Variants in AGBL4 observed in about 807,000 individuals in gnomAD.
AGBL4 encodes the protein cytosolic carboxypeptidase 6.
Under a neutral mutation model 66.4 loss-of-function variants are expected in AGBL4, and 58 were observed. The ratio of observed to expected loss-of-function variants is 0.87; its 90% CI spans 0.71 to 1.09. AGBL4 has a LOEUF of 1.09. Ranked by LOEUF, AGBL4 falls within the 50% of genes least tolerant of loss-of-function variation. AGBL4 has a pLI of 0.00. For synonymous variants in AGBL4, 234 were observed against 222.9 expected, an observed-to-expected ratio of 1.05 and a Z score of -0.44; for missense variants, 579 against 631.0, an observed-to-expected ratio of 0.92 and a Z score of 0.88.
At chr1:48,907,515 G>T (rs572445796) in intron 5 of AGBL4, among the ~76,000 whole-genome samples, 1 of 152,198 alleles carries the variant, frequency 6.6e-6, no homozygotes, top group South Asian at 2.1e-4. Flanking sequence ...AAGCCAGGGG[G>T]GAAAGGCCTG....
At chr1:49,254,636 A>T (rs1296312761) in intron 3 of AGBL4, among the ~76,000 whole-genome samples, 1 of 152,172 alleles carries the variant, frequency 6.6e-6, no homozygotes, top group Non-Finnish European at 1.5e-5. Context: ...ACTACCATTG[A>T]GATTCTTCAC....
intron 3 of AGBL4, among the ~76,000 whole-genome samples, chr1:49,397,379 T>C (rs867458408): frequency 3.9e-5 from 6 of 152,172 alleles, no homozygotes; most frequent in African/African-American, 1.2e-4. Flanking sequence ...CATGTATCTT[T>C]AGGTGGTGTG....
intron 7 of AGBL4, among the ~76,000 whole-genome samples, chr1:48,661,425 G>C (rs1646105911): frequency 6.6e-6 from 1 of 152,250 alleles, no homozygotes; most frequent in African/African-American, 2.4e-5. Flanking sequence ...GAGTGTATGA[G>C]GCTGAGGCCA....
intron 6 of AGBL4, among the ~76,000 whole-genome samples, chr1:48,767,560 A>G (rs1201170737): frequency 6.6e-6 from 1 of 152,200 alleles, no homozygotes; most frequent in Non-Finnish European, 1.5e-5. Flanking sequence ...ATGAAGGTGA[A>G]TGGTGGTGTG....
intron 9 of AGBL4, among the ~76,000 whole-genome samples, chr1:48,627,611 G>A (rs1230665609): frequency 7.3e-5 from 11 of 151,550 alleles, no homozygotes; most frequent in African/African-American, 9.7e-5. Context: ...AGCCAGCCCC[G>A]TGTTGCTCTA....
intron 3 of AGBL4, among the ~76,000 whole-genome samples, chr1:49,450,227 G>A (rs1033562266): frequency 6.6e-6 from 1 of 152,018 alleles, no homozygotes; most frequent in African/African-American, 2.4e-5. Flanking sequence ...TTAAATCCTG[G>A]CTCTATCCAG....
chr1:49,146,354 C>A (rs1646217754), intron 4 of AGBL4, among the ~76,000 whole-genome samples: 1 of 151,888 alleles, frequency 6.6e-6, no homozygotes, highest in Admixed American at 6.6e-5. Context: ...ACCAAAATAT[C>A]TCATATACCC....
At chr1:49,162,740 C>T (rs546959472) in intron 4 of AGBL4, among the ~76,000 whole-genome samples, 1 of 152,254 alleles carries the variant, frequency 6.6e-6, no homozygotes, top group East Asian at 1.9e-4. Context: ...AGACAGGTCC[C>T]TTAACCTTTC....
At chr1:49,012,380 G>A (rs1662504767) in intron 5 of AGBL4, among the ~76,000 whole-genome samples, 1 of 152,158 alleles carries the variant, frequency 6.6e-6, no homozygotes, top group Non-Finnish European at 1.5e-5. Context: ...ACAGAATTAT[G>A]AGCAGGTGGT....
intron 3 of AGBL4, among the ~76,000 whole-genome samples, chr1:49,645,543 G>A (rs148237972): frequency 8.9e-4 from 135 of 151,362 alleles, no homozygotes; most frequent in African/African-American, 3.0e-3. Flanking sequence ...GACTGAATTC[G>A]TCATTAAAAA....
chr1:48,783,302 A>G (rs933799413), intron 6 of AGBL4, among the ~76,000 whole-genome samples: 8 of 152,238 alleles, frequency 5.3e-5, no homozygotes, highest in African/African-American at 1.9e-4. Flanking sequence ...ACTCATTCAT[A>G]TGCACTCCTG....
intron 2 of AGBL4, among the ~76,000 whole-genome samples, chr1:49,713,807 T>C (rs570063276): frequency 5.3e-5 from 8 of 152,178 alleles, no homozygotes; most frequent in African/African-American, 1.9e-4. Context: ...TCCTCATTTT[T>C]TTTTAAGAGA....
intron 6 of AGBL4, among the ~76,000 whole-genome samples, chr1:48,796,323 G>A (rs1387485957): frequency 3.3e-5 from 5 of 152,214 alleles, no homozygotes; most frequent in African/African-American, 9.6e-5. Flanking sequence ...CATGAAGGCA[G>A]AGGTTATGTG....
At chr1:49,890,091 G>A (rs1007115183) in intron 1 of AGBL4, among the ~76,000 whole-genome samples, 4 of 152,196 alleles carry the variant, frequency 2.6e-5, no homozygotes, top group African/African-American at 7.2e-5. Flanking sequence ...CACTTACAAT[G>A]TGTGAGACAT....
intron 2 of AGBL4, among the ~76,000 whole-genome samples, chr1:49,710,939 AAAC>A (rs1475562566): frequency 6.6e-6 from 1 of 152,016 alleles, no homozygotes; most frequent in Non-Finnish European, 1.5e-5. Context: ...CAGAAAAAGA[AAAC>A]AAGATTTATG....
At chr1:48,526,437 A>G in the AGBL4 span, among the ~76,000 whole-genome samples, 1 of 152,212 alleles carries the variant, frequency 6.6e-6, no homozygotes, top group African/African-American at 2.4e-5. Context: ...GCATCAGATC[A>G]TGGAAGACAA....
At chr1:49,080,583 A>C (rs1644791896) in intron 4 of AGBL4, among the ~76,000 whole-genome samples, 1 of 152,276 alleles carries the variant, frequency 6.6e-6, no homozygotes, top group East Asian at 1.9e-4. Flanking sequence ...CATACAGGTC[A>C]GCCTTGGGGC....
chr1:49,910,693 G>A (rs565865303), intron 1 of AGBL4, among the ~76,000 whole-genome samples: 25 of 151,856 alleles, frequency 1.6e-4, no homozygotes, highest in African/African-American at 5.1e-4. Context: ...AAAGAAAACC[G>A]CGCCAGGCAC....
At position 48,634,383 on chromosome 1, in the gene AGBL4, T is replaced by G. The variant is rs117557004; in HGVS notation, c.951+110A>C. ...AGCAGGCCTAGTGCCTCCCTGGTTT[T>G]AGCTATGTATTCCTAATTTGCAGCT... On this transcript the variant is annotated intron_variant, in intron 9 of 13. Transcript: ENST00000371839. The G allele has an allele frequency of 1.3e-4, 105 of 835,432 alleles. No homozygotes were observed. The East Asian group carries it at 3.0e-3, about 24-fold the overall frequency. 51.8% of individuals were successfully genotyped at this position (835,432 alleles called of 1,614,324 possible).
Sources: gnomAD v4.1 joint callset for allele counts (sites outside exome capture counted in the v4.1 genomes callset) on GRCh38, gnomAD v4.1.1 for gene constraint, MANE v1.5 for transcripts, NCBI Gene and HGNC (gene_info 2026-07-23, HGNC 2026-07-21) for gene names.